Variants in AK3 observed in about 807,000 individuals in gnomAD.
AK3 encodes the protein adenylate kinase 3.
AK3 carries 27 observed loss-of-function variants against 23.7 expected under a neutral mutation model. The observed-to-expected ratio is 1.14, with a 90% CI of 0.84 to 1.57. AK3 has a LOEUF of 1.57. AK3 is among the 40% of genes most tolerant of loss of function. The pLI is 0.00. For synonymous variants in AK3, 159 were observed against 116.0 expected, an observed-to-expected ratio of 1.37 and a Z score of -2.38; for missense variants, 406 against 285.6, an observed-to-expected ratio of 1.42 and a Z score of -3.04.
At position 4,729,002 on chromosome 9, in the gene AK3, T is replaced by C. The variant is rs79090081; in HGVS notation, c.152-6377A>G. ...ACATATATATACACACACACACATATATATATATATATATTTTTTTTTTTT... is the reference window on the plus strand; with the variant it reads ...ACATATATATACACACACACACATACATATATATATATATTTTTTTTTTTT... On this transcript the variant is annotated intron_variant, in intron 1 of 4. Transcript: ENST00000381809. Among the ~76,000 whole-genome samples, 192 of 67,114 alleles carry C rather than the reference T, an allele frequency of 2.9e-3. 4 individuals are homozygous for C. Among genetic ancestry groups the C allele is most frequent in the East Asian group, 7.0e-3 (9 of 1,280 alleles). The allele number at this position is 67,114 out of a possible 152,430, so 44.0% of individuals were successfully genotyped here.
chr9:4,736,365 G>C (rs1489402115), intron 1 of AK3, among the ~76,000 whole-genome samples: 3 of 151,154 alleles, frequency 2.0e-5, no homozygotes, highest in Non-Finnish European at 4.4e-5. Flanking sequence ...AGAAGCATAG[G>C]TAAACATTTG....
chr9:4,713,982 A>ATG (rs1563780952), intron 4 of AK3, among the ~76,000 whole-genome samples: 7 of 5,358 alleles, frequency 1.3e-3, no homozygotes, highest in Middle Eastern at 0.056. Flanking sequence ...ACATTTACAC[A>ATG]CCTACACATA....
intron 1 of AK3, among the ~76,000 whole-genome samples, chr9:4,731,698 T>G (rs1302614077): frequency 6.6e-6 from 1 of 152,218 alleles, no homozygotes; most frequent in Admixed American, 6.5e-5. Flanking sequence ...TCTCTGGAGA[T>G]ATGGTAAACT....
At chr9:4,725,942 G>A (rs1013869388) in intron 1 of AK3, among the ~76,000 whole-genome samples, 7 of 151,778 alleles carry the variant, frequency 4.6e-5, no homozygotes, top group Non-Finnish European at 1.0e-4. Context: ...TGTGGGTTTG[G>A]TTCCAGACTA....
chr9:4,737,639 A>G (rs1281387247), intron 1 of AK3, among the ~76,000 whole-genome samples: 1 of 152,180 alleles, frequency 6.6e-6, no homozygotes, highest in South Asian at 2.1e-4. Context: ...GAATCGCTTG[A>G]ACCCAGGAGT....
intron 1 of AK3, among the ~76,000 whole-genome samples, chr9:4,731,181 G>A (rs535327056): frequency 2.0e-5 from 3 of 152,302 alleles, no homozygotes; most frequent in East Asian, 3.9e-4. Flanking sequence ...GTGAACTTGT[G>A]TCATGGGGGT....
chr9:4,721,149 T>C (rs987940152), intron 2 of AK3, among the ~76,000 whole-genome samples: 2 of 152,184 alleles, frequency 1.3e-5, no homozygotes, highest in African/African-American at 4.8e-5. Flanking sequence ...ATACTTGCAA[T>C]CCCAGCACTT....
rs914140223 is a variant in AK3 at position 4,710,018 on chromosome 9, G to A, written c.*2958C>T. 1.3e-5 allele frequency: 2 copies of A among 152,112 alleles called. No individual in the cohort carries two copies. The highest frequency in any genetic ancestry group is 2.9e-5 in the Non-Finnish European group (2 of 68,020). 9.4% of individuals were successfully genotyped at this position (152,112 alleles called of 1,614,324 possible). A position where few individuals can be genotyped will look rare whatever the true frequency, so the allele number is the denominator to read the frequency against. On this transcript the variant is annotated 3_prime_UTR_variant, in exon 5 of 5. Transcript: ENST00000381809. Reference sequence around the variant, plus strand: ...GCTAGAATGCCATTATATATAGCTGGGGGAAAAGTAGCCATAGGGTGGGGT... The same window carrying A: ...GCTAGAATGCCATTATATATAGCTGAGGGAAAAGTAGCCATAGGGTGGGGT...
chr9:4,717,292 G>A (rs987290825), intron 4 of AK3, among the ~76,000 whole-genome samples: 4 of 152,232 alleles, frequency 2.6e-5, no homozygotes, highest in African/African-American at 9.6e-5. Flanking sequence ...TCTGTAAGAA[G>A]CAGGAAGGCT....
intron 4 of AK3, among the ~76,000 whole-genome samples, chr9:4,717,633 C>T (rs1563784115): frequency 6.6e-6 from 1 of 152,166 alleles, no homozygotes; most frequent in Non-Finnish European, 1.5e-5. Context: ...AACATGCATT[C>T]AATAGAAATT....
At chr9:4,721,804 T>C (rs1282669034) in intron 2 of AK3, among the ~76,000 whole-genome samples, 1 of 152,212 alleles carries the variant, frequency 6.6e-6, no homozygotes, top group Non-Finnish European at 1.5e-5. Context: ...TCTGTGCTTA[T>C]CCAAGTTTTT....
At chr9:4,733,744 T>C (rs943313512) in intron 1 of AK3, among the ~76,000 whole-genome samples, 3 of 152,032 alleles carry the variant, frequency 2.0e-5, no homozygotes, top group African/African-American at 7.2e-5. Context: ...TTATTTCTCC[T>C]CCTCCCTCAT....
upstream of AK3, chr9:4,741,250 C>T: frequency 8.1e-6 from 6 of 741,006 alleles, no homozygotes; most frequent in East Asian, 3.5e-5. Flanking sequence ...CCTGGGGCCG[C>T]CCAGACAGCG....
At position 4,730,557 on chromosome 9, in the gene AK3, C is replaced by T. The variant is rs113210455; in HGVS notation, c.152-7932G>A. ...GGTCAAGGCTGCAGTGAGCCATGAC[C>T]GCACTACTGCACTCCAGCCTTGGTG... On this transcript the variant is annotated intron_variant, in intron 1 of 4. Transcript: ENST00000381809. Among the ~76,000 whole-genome samples the T allele has an allele frequency of 6.4e-3, 974 of 152,074 alleles. 11 individuals carry two copies. Among genetic ancestry groups the T allele is most frequent in the African/African-American group, 0.022 (925 of 41,474 alleles).
At position 4,733,139 on chromosome 9, in the gene AK3, C is replaced by T. The variant is rs150373132; in HGVS notation, c.151+7798G>A. 8.8e-3 allele frequency among the ~76,000 whole-genome samples: 1,336 copies of T among 152,018 alleles called. 8 individuals carry two copies. Among genetic ancestry groups the T allele is most frequent in the Non-Finnish European group, 0.015 (1,011 of 67,948 alleles). ...GCTGGGATTACAGGGGTGAGCCACCCGCCAACCAGCAGTTCTCTTTCACAT... is the reference window on the plus strand; with the variant it reads ...GCTGGGATTACAGGGGTGAGCCACCTGCCAACCAGCAGTTCTCTTTCACAT... On this transcript the variant is annotated intron_variant, in intron 1 of 4. Transcript: ENST00000381809.
At chr9:4,736,851 T>C (rs1842306090) in intron 1 of AK3, among the ~76,000 whole-genome samples, 1 of 152,138 alleles carries the variant, frequency 6.6e-6, no homozygotes, top group African/African-American at 2.4e-5. Flanking sequence ...CTAATGTTTT[T>C]ATCTTTTGTA....
At chr9:4,731,053 T>C (rs141522428) in intron 1 of AK3, among the ~76,000 whole-genome samples, 1 of 152,346 alleles carries the variant, frequency 6.6e-6, no homozygotes, top group African/African-American at 2.4e-5. Flanking sequence ...ATGTTGGTTT[T>C]ACCTACTGAT....
rs150824772 is a variant in AK3, at chr9:4,722,930, C to A, written c.152-305G>T. Among the ~76,000 whole-genome samples, 457 of 152,194 alleles carry A rather than the reference C, an allele frequency of 3.0e-3. 4 individuals carry two copies. Among genetic ancestry groups the A allele is most frequent in the African/African-American group, 0.011 (440 of 41,526 alleles). On this transcript the variant is annotated intron_variant, in intron 1 of 4. Transcript: ENST00000381809. Reference sequence around the variant, plus strand: ...AATTAGCCGGACATGATGGCGGGTGCCTGTAATCCCAGCTACTTGGGGGTA... The same window carrying A: ...AATTAGCCGGACATGATGGCGGGTGACTGTAATCCCAGCTACTTGGGGGTA...
At chr9:4,738,283 A>G (rs1281644588) in intron 1 of AK3, among the ~76,000 whole-genome samples, 3 of 152,128 alleles carry the variant, frequency 2.0e-5, no homozygotes, top group Non-Finnish European at 2.9e-5. Flanking sequence ...CTCCTGCCTC[A>G]GCCTCCCAAG....
Sources: allele counts gnomAD v4.1 joint callset (sites outside exome capture counted in the v4.1 genomes callset), GRCh38; gene constraint gnomAD v4.1.1; transcripts MANE v1.5; gene names NCBI Gene and HGNC (gene_info 2026-07-23, HGNC 2026-07-21).